RGSL1: variants seen among roughly 807,000 people sequenced by gnomAD.
RGSL1 encodes regulator of G protein signaling like 1, also known as regulator of G protein signaling protein-like.
RGSL1 carries 97 observed loss-of-function variants against 124.7 expected under a neutral mutation model. That is an observed-to-expected ratio of 0.78 (90% confidence interval 0.66 to 0.92). RGSL1 has a LOEUF of 0.92. Ranked by LOEUF, RGSL1 falls within the 40% of genes least tolerant of loss-of-function variation. The pLI is 0.00. For missense variants in RGSL1, 1,233 were observed against 1,288.4 expected (o/e 0.96, Z 0.66); for synonymous variants, 424 against 438.1 (o/e 0.97, Z 0.40).
chr1:182,471,952 C>T (rs12134122), intron 4 of RGSL1, among the ~76,000 whole-genome samples: 2 of 152,176 alleles, frequency 1.3e-5, no homozygotes, highest in Non-Finnish European at 2.9e-5. Flanking sequence ...CACTTTGCCA[C>T]TCAGAGTTCA....
At chr1:182,464,625 G>A (rs1029317988) in intron 4 of RGSL1, among the ~76,000 whole-genome samples, 1 of 151,778 alleles carries the variant, frequency 6.6e-6, no homozygotes, top group Non-Finnish European at 1.5e-5. Context: ...TTGGGAGGCT[G>A]AGGCAGGAGA....
At chr1:182,484,017 G>C (rs544704421) in intron 6 of RGSL1, among the ~76,000 whole-genome samples, 1 of 152,214 alleles carries the variant, frequency 6.6e-6, no homozygotes, top group Non-Finnish European at 1.5e-5. Flanking sequence ...GTGTAGTGGT[G>C]ACTCTAGACC....
chr1:182,488,242 T>C (rs537639924), intron 6 of RGSL1, 43 bp from the exon 7 acceptor site: 2 of 1,532,600 alleles, frequency 1.3e-6, no homozygotes, highest in African/African-American at 2.7e-5. Flanking sequence ...TGCAGCAAGC[T>C]GACCATCCAC....
chr1:182,460,638 C>T (rs1226521401), intron 4 of RGSL1: 1 of 455,848 alleles, frequency 2.2e-6, no homozygotes, highest in Non-Finnish European at 4.4e-6. Context: ...CAGAGTGAGC[C>T]TCTTAAAAAG....
At chr1:182,496,594 T>C (rs1190461675) in intron 9 of RGSL1, among the ~76,000 whole-genome samples, 1 of 152,222 alleles carries the variant, frequency 6.6e-6, no homozygotes, top group Non-Finnish European at 1.5e-5. Flanking sequence ...CCACTACTGA[T>C]ACTCCTAAAA....
chr1:182,551,431 C>G (rs544116666), intron 18 of RGSL1, among the ~76,000 whole-genome samples: 2 of 152,292 alleles, frequency 1.3e-5, no homozygotes, highest in African/African-American at 2.4e-5. Flanking sequence ...AGCAATAACT[C>G]CAGGACGCCT....
In RGSL1 at chr1:182,457,069, C is replaced by T. The variant is rs566708046; in HGVS notation, c.97-1250C>T. Among the ~76,000 whole-genome samples the T allele has an allele frequency of 2.6e-5, 4 of 152,242 alleles. No homozygotes were observed. In the South Asian group the frequency reaches 8.3e-4, roughly 32 times the overall value. On this transcript the variant is annotated intron_variant, in intron 2 of 21. Transcript: ENST00000294854. ...GGCTGAGGTAGGAGAATCACTTGAA[C>T]ACAGGAGGCGGAGGTTGCAGTGAGC...
At chr1:182,560,040 T>C (rs1661084761) in intron 21 of RGSL1, among the ~76,000 whole-genome samples, 2 of 152,318 alleles carry the variant, frequency 1.3e-5, no homozygotes, top group Admixed American at 1.3e-4. Context: ...TAAATACATA[T>C]TGAATGCATG....
chr1:182,548,792 T>G lies in RGSL1; in HGVS notation c.2901T>G (p.Ser967=), dbSNP rs1467007342. The G allele has an allele frequency of 5.3e-5, 83 of 1,551,604 alleles. No individual in the cohort carries two copies. The highest frequency in any genetic ancestry group is 7.1e-5 in the Non-Finnish European group (82 of 1,146,994). The part of the protein sequence containing the change: ...DRSVFHGAIM[S]VFPVVMYFWK... The stretch of plus-strand genomic sequence containing the variant: ...GCGTCTTCCATGGGGCTATCATGTC[T>G]GTCTTCCCCGTTGTTATGTACTTCT... The change falls in exon 17 of 22, where the codon TCT becomes TCG. Residue 967 remains serine (S), a synonymous_variant. Transcript: ENST00000294854.
intron 9 of RGSL1, among the ~76,000 whole-genome samples, chr1:182,493,627 G>T (rs1197908907): frequency 6.6e-6 from 1 of 152,322 alleles, no homozygotes; most frequent in East Asian, 1.9e-4. Flanking sequence ...CCCTCAGTGA[G>T]GTAAGAAATT....
chr1:182,501,808 C>T (rs1391047462), intron 9 of RGSL1, among the ~76,000 whole-genome samples: 2 of 152,036 alleles, frequency 1.3e-5, no homozygotes, highest in Admixed American at 6.6e-5. Flanking sequence ...ATATTTTGGC[C>T]GAGTTTAAGA....
At chr1:182,551,366 G>A (rs1457420305) in intron 18 of RGSL1, among the ~76,000 whole-genome samples, 157 bp downstream of exon 18, 1 of 152,210 alleles carries the variant, frequency 6.6e-6, no homozygotes, top group East Asian at 1.9e-4. Context: ...AGAGCACTCA[G>A]GGTAAAGCAT....
chr1:182,448,116 A>T (rs1443898441), upstream of RGSL1: 1 of 152,254 alleles, frequency 6.6e-6, no homozygotes, highest in Admixed American at 6.5e-5. Flanking sequence ...GGAGATGCCC[A>T]GAGTTTTGCA....
At chr1:182,544,788 A>G (rs1002681435) in intron 15 of RGSL1, among the ~76,000 whole-genome samples, 11 of 151,990 alleles carry the variant, frequency 7.2e-5, no homozygotes, top group African/African-American at 2.7e-4. Flanking sequence ...AGCCTATTTT[A>G]TCTGATATAA....
chr1:182,542,716 G>T (rs1159477774), intron 15 of RGSL1, among the ~76,000 whole-genome samples: 1 of 151,992 alleles, frequency 6.6e-6, no homozygotes, highest in African/African-American at 2.4e-5. Context: ...TACTTCAATT[G>T]TGTGTGTCTT....
intron 1 of RGSL1, chr1:182,453,644 C>T (rs558696221): frequency 1.4e-5 from 3 of 217,504 alleles, no homozygotes; most frequent in South Asian, 1.2e-4. Context: ...CTTCAGAGGG[C>T]GTGATTTTTA....
At chr1:182,543,749 A>G (rs938689939) in intron 15 of RGSL1, among the ~76,000 whole-genome samples, 2 of 152,034 alleles carry the variant, frequency 1.3e-5, no homozygotes, top group African/African-American at 4.8e-5. Flanking sequence ...CTATGTCCTC[A>G]TGATTCAACC....
At chr1:182,500,519 A>G (rs1656269561) in intron 9 of RGSL1, among the ~76,000 whole-genome samples, 1 of 152,102 alleles carries the variant, frequency 6.6e-6, no homozygotes, top group South Asian at 2.1e-4. Flanking sequence ...GAGTTTTTGG[A>G]CCAACTTTTC....
At chr1:182,551,338 C>A in intron 18 of RGSL1, 129 bp downstream of exon 18, 1 of 710,228 alleles carries the variant, frequency 1.4e-6, no homozygotes, top group Non-Finnish European at 2.4e-6. Context: ...AGCTCATTTA[C>A]TTGGCCCTCA....
Sources: allele counts gnomAD v4.1 joint callset (sites outside exome capture counted in the v4.1 genomes callset), GRCh38; gene constraint gnomAD v4.1.1; transcripts MANE v1.5; gene names NCBI Gene and HGNC (gene_info 2026-07-23, HGNC 2026-07-21).